Variants in ABHD2 observed in about 807,000 individuals in gnomAD.
ABHD2 encodes the protein abhydrolase domain containing 2, acylglycerol lipase.
ABHD2 carries 20 observed loss-of-function variants against 48.1 expected under a neutral mutation model. That is an observed-to-expected ratio of 0.42 (90% CI 0.29 to 0.60). ABHD2 has a LOEUF of 0.60. ABHD2 is among the 20% of genes least tolerant of loss of function. The pLI is 0.24. For synonymous variants in ABHD2, 209 were observed against 214.2 expected (o/e 0.98, Z 0.21); for missense variants, 405 against 550.9 (o/e 0.74, Z 2.65).
chr15:89,185,303 G>A lies in ABHD2; in HGVS notation c.723-121G>A, dbSNP rs1245277896. The A allele has an allele frequency of 2.9e-6, 2 of 682,050 alleles. No homozygotes were observed. Among genetic ancestry groups the A allele is most frequent in the East Asian group, 2.7e-5 (1 of 37,328 alleles). 42.2% of individuals were successfully genotyped at this position (682,050 alleles called of 1,614,324 possible). On this transcript the variant is annotated intron_variant, in intron 6 of 10. Transcript: ENST00000352732. This position sits in a 1 kb window ranked among gnomAD's most constrained non-coding sequence, Gnocchi z 5.9. ...TTAGAGCCTCTGTTTTAATGCAGAG[G>A]CCACAGCCTGAGAGCCGGCCCTCTC...
intron 3 of ABHD2, among the ~76,000 whole-genome samples, chr15:89,122,681 A>T (rs2050070658): frequency 3.3e-5 from 5 of 152,230 alleles, no homozygotes; most frequent in Admixed American, 2.6e-4. Flanking sequence ...GCCTGGCTGA[A>T]GTTTTCATCA....
intron 3 of ABHD2, among the ~76,000 whole-genome samples, chr15:89,142,197 T>C (rs553490997): frequency 1.3e-5 from 2 of 152,266 alleles, no homozygotes; most frequent in African/African-American, 4.8e-5. Flanking sequence ...TAAAGTGGGG[T>C]TAACAGTATC....
intron 5 of ABHD2, among the ~76,000 whole-genome samples, chr15:89,156,889 G>A (rs545020990): frequency 9.2e-5 from 14 of 152,280 alleles, no homozygotes; most frequent in African/African-American, 3.4e-4. Context: ...CAAATAAATT[G>A]TAATATGTTT....
Position 89,185,340 on chromosome 15 carries a change from C to T in ABHD2, c.723-84C>T, listed in dbSNP as rs746682274. ...GAGCCGGCCCTCTCCACACAAGCAC[C>T]TCACCCCATGGCTAGAGCCCCCTCC... On this transcript the variant is annotated intron_variant, in intron 6 of 10. Transcript: ENST00000352732. This position sits in a 1 kb window ranked among gnomAD's most constrained non-coding sequence, Gnocchi z 5.9. 2 of 1,056,800 alleles carry T rather than the reference C, an allele frequency of 1.9e-6. No homozygotes were observed. Among genetic ancestry groups the T allele is most frequent in the East Asian group, 4.8e-5 (2 of 41,522 alleles). 65.5% of individuals were successfully genotyped at this position (1,056,800 alleles called of 1,614,324 possible).
At chr15:89,054,258 G>A in the ABHD2 span, among the ~76,000 whole-genome samples, 1 of 150,044 alleles carries the variant, frequency 6.7e-6, no homozygotes, top group South Asian at 2.1e-4. Context: ...GGAGGTGGAA[G>A]TTGCAGTGAG....
At chr15:89,148,584 C>G (rs939030596) in intron 3 of ABHD2, among the ~76,000 whole-genome samples, 1 of 152,258 alleles carries the variant, frequency 6.6e-6, no homozygotes, top group Non-Finnish European at 1.5e-5. Flanking sequence ...AGTTCCATCA[C>G]AGTGCCTTCT....
At chr15:89,150,945 C>G (rs1213622920) in intron 3 of ABHD2, among the ~76,000 whole-genome samples, 1 of 152,210 alleles carries the variant, frequency 6.6e-6, no homozygotes. Flanking sequence ...TCTTCTTTTC[C>G]TGGTAATTAA....
chr15:89,163,977 T>C (rs2050799806), intron 5 of ABHD2, among the ~76,000 whole-genome samples: 2 of 152,206 alleles, frequency 1.3e-5, no homozygotes, highest in Admixed American at 6.5e-5. Context: ...TGCCTCTCCA[T>C]GTAAGAGACT....
chr15:89,170,311 G>A (rs2050905110), intron 5 of ABHD2, among the ~76,000 whole-genome samples: 1 of 151,536 alleles, frequency 6.6e-6, no homozygotes, highest in Admixed American at 6.6e-5. Flanking sequence ...TGGCCAGGCT[G>A]GTCTTGAACT....
intron 5 of ABHD2, among the ~76,000 whole-genome samples, chr15:89,172,667 C>A (rs2050949018): frequency 6.6e-6 from 1 of 152,096 alleles, no homozygotes. Context: ...TGCTCTGGAC[C>A]CTGATCTAAG....
In ABHD2 at chr15:89,102,860, A is replaced by G. The variant is rs777850383; in HGVS notation, c.-106-10865A>G. Among the ~76,000 whole-genome samples the G allele has an allele frequency of 4.7e-4, 72 of 152,250 alleles. No homozygotes were observed. The highest frequency in any genetic ancestry group is 9.0e-4 in the Non-Finnish European group (61 of 68,050). On this transcript the variant is annotated intron_variant, in intron 1 of 10. Transcript: ENST00000352732. This position sits in a 1 kb window ranked among gnomAD's most constrained non-coding sequence, Gnocchi z 4.8. ...AACGTTTGCACAAAAACCCAAAGGA[A>G]GAAGGCTGCTGGTAGGCTAGGGGTG...
At chr15:89,066,611 T>C in the ABHD2 span, among the ~76,000 whole-genome samples, 1 of 152,124 alleles carries the variant, frequency 6.6e-6, no homozygotes. Flanking sequence ...CAAGGCATTC[T>C]CCTATCATAT....
rs1215451259 is a variant in ABHD2, at chr15:89,174,723, CT to C, written c.539-1088del. On this transcript the variant is annotated intron_variant, in intron 5 of 10. Coordinates refer to ENST00000352732, the MANE Select transcript of ABHD2 (RefSeq NM_152924.5). This position sits in a 1 kb window ranked among gnomAD's most constrained non-coding sequence, Gnocchi z 4.1. ...TTGTATGTGCTTTGCGTCGACATCCCTATCTTTCCATGTTAGATTTTAAATT... is the reference window on the plus strand; with the variant it reads ...TTGTATGTGCTTTGCGTCGACATCCCATCTTTCCATGTTAGATTTTAAATT... Among the ~76,000 whole-genome samples the C allele has an allele frequency of 1.3e-5, 2 of 152,188 alleles. No homozygotes were observed. Among genetic ancestry groups the C allele is most frequent in the African/African-American group, 4.8e-5 (2 of 41,432 alleles).
At chr15:89,052,320 T>G in the ABHD2 span, among the ~76,000 whole-genome samples, 2 of 152,060 alleles carry the variant, frequency 1.3e-5, no homozygotes, top group Middle Eastern at 3.2e-3. Context: ...GGCAAAACTA[T>G]CAGCTGACAT....
chr15:89,134,787 A>G (rs1427292005), intron 3 of ABHD2, among the ~76,000 whole-genome samples: 2 of 152,230 alleles, frequency 1.3e-5, no homozygotes, highest in Non-Finnish European at 2.9e-5. Context: ...AAAGAGCATT[A>G]TAAAGTTTTC....
At chr15:89,059,245 A>G in the ABHD2 span, among the ~76,000 whole-genome samples, 1 of 152,068 alleles carries the variant, frequency 6.6e-6, no homozygotes, top group Non-Finnish European at 1.5e-5. Context: ...GAAGAGGGGT[A>G]CATCTGCCCA....
the ABHD2 span, among the ~76,000 whole-genome samples, chr15:89,076,364 A>G: frequency 6.6e-6 from 1 of 152,236 alleles, no homozygotes; most frequent in Non-Finnish European, 1.5e-5. Context: ...TTCATCCATC[A>G]GTATGTCAAT....
intron 3 of ABHD2, among the ~76,000 whole-genome samples, chr15:89,131,034 C>T (rs954422845): frequency 3.3e-5 from 5 of 152,196 alleles, no homozygotes; most frequent in South Asian, 2.1e-4. Flanking sequence ...CACTGCAGGA[C>T]GTCATCAGCT....
the ABHD2 span, among the ~76,000 whole-genome samples, chr15:89,074,716 C>T: frequency 3.5e-4 from 54 of 152,268 alleles, no homozygotes; most frequent in Middle Eastern, 3.4e-3. Flanking sequence ...CACCTGTCTC[C>T]AACCCCTCCC....
Sources: gnomAD v4.1 joint callset for allele counts (sites outside exome capture counted in the v4.1 genomes callset) on GRCh38, gnomAD v4.1.1 for gene constraint, Gnocchi (gnomAD v3.1) non-coding constraint, MANE v1.5 for transcripts, NCBI Gene and HGNC (gene_info 2026-07-23, HGNC 2026-07-21) for gene names.